TPCN1: variants seen among roughly 807,000 people sequenced by gnomAD.
The protein encoded by TPCN1 is two pore channel protein 1.
TPCN1 carries 52 observed loss-of-function variants against 108.8 expected under a neutral mutation model. That is an observed-to-expected ratio of 0.48 (90% CI 0.38 to 0.60). The LOEUF (loss-of-function observed/expected upper bound fraction) is 0.60. Ranked by LOEUF, TPCN1 falls within the 20% of genes least tolerant of loss-of-function variation. The pLI, the probability that TPCN1 is intolerant of heterozygous loss-of-function variation, is 0.00. For missense variants in TPCN1, 806 were observed against 1,072.8 expected (o/e 0.75, Z 3.47); for synonymous variants, 446 against 433.7 (o/e 1.03, Z -0.35).
At chr12:113,294,194 C>T (rs1956358013) in intron 27 of TPCN1, 1 of 152,298 alleles carries the variant, frequency 6.6e-6, no homozygotes, top group Non-Finnish European at 1.5e-5. Flanking sequence ...AAGTGATCCT[C>T]CCCACTCAGC....
chr12:113,253,667 A>G (rs1347165084), intron 2 of TPCN1, among the ~76,000 whole-genome samples: 1 of 152,198 alleles, frequency 6.6e-6, no homozygotes, highest in African/African-American at 2.4e-5. Flanking sequence ...AAGTGCCCCA[A>G]GAGAATAAGG....
intron 27 of TPCN1, 26 bp downstream of exon 27, chr12:113,293,375 G>T: frequency 9.3e-6 from 15 of 1,607,784 alleles, no homozygotes; most frequent in Non-Finnish European, 1.3e-5. Flanking sequence ...ACCACGCTGC[G>T]AATCCTCCCC....
chr12:113,265,741 TC>T (rs1955235264), intron 3 of TPCN1, among the ~76,000 whole-genome samples: 1 of 151,856 alleles, frequency 6.6e-6, no homozygotes, highest in Non-Finnish European at 1.5e-5. Context: ...CAAGCAATCC[TC>T]CTGCCTTGGC....
intron 3 of TPCN1, among the ~76,000 whole-genome samples, chr12:113,263,574 C>T (rs564497626): frequency 6.6e-6 from 1 of 152,366 alleles, no homozygotes; most frequent in East Asian, 1.9e-4. Context: ...GATGGCCTGC[C>T]TTTTCACGCT....
chr12:113,293,371 C>T (rs550947900), intron 27 of TPCN1, 22 bp downstream of exon 27: 6 of 1,609,714 alleles, frequency 3.7e-6, no homozygotes, highest in East Asian at 4.5e-5. Flanking sequence ...GCCGACCACG[C>T]TGCGAATCCT....
rs1593169084 is a variant in TPCN1 at position 113,272,844 on chromosome 12, C to T, written c.783+152C>T. 2.5e-6 allele frequency: 2 copies of T among 807,376 alleles called. No individual in the cohort carries two copies. Among genetic ancestry groups the T allele is most frequent in the African/African-American group, 1.7e-5 (1 of 58,620 alleles). 50.0% of individuals were successfully genotyped at this position (807,376 alleles called of 1,614,324 possible). A position where few individuals can be genotyped will look rare whatever the true frequency, so the allele number is the denominator to read the frequency against. ...TGTGTGCATTGCACCTGGGAGTTCC[C>T]ATCACTCAGACTTGACCACTTTCTT... On this transcript the variant is annotated intron_variant, in intron 8 of 27. Transcript: ENST00000335509. The surrounding 1 kb of genome is among the most constrained non-coding windows in gnomAD (Gnocchi z 4.1).
intron 2 of TPCN1, among the ~76,000 whole-genome samples, chr12:113,252,593 C>T (rs150164451): frequency 5.0e-4 from 76 of 152,314 alleles, no homozygotes; most frequent in East Asian, 4.4e-3. Flanking sequence ...CTGCCTGCTC[C>T]GCTCCATCAT....
intron 18 of TPCN1, 107 bp from the exon 19 acceptor site, chr12:113,286,880 T>C (rs1956101594): frequency 2.7e-6 from 2 of 747,708 alleles, no homozygotes; most frequent in East Asian, 5.0e-5. Context: ...TTGGTGTTGC[T>C]GTGTCTGGGC....
chr12:113,238,461 G>A (rs1953977523), intron 2 of TPCN1, among the ~76,000 whole-genome samples: 1 of 151,396 alleles, frequency 6.6e-6, no homozygotes, highest in South Asian at 2.1e-4. Flanking sequence ...TCCAGTAGCT[G>A]TATATTAGAG....
At chr12:113,278,365 G>A in intron 13 of TPCN1, 128 bp downstream of exon 13, 1 of 839,508 alleles carries the variant, frequency 1.2e-6, no homozygotes, top group South Asian at 1.4e-5. Flanking sequence ...GCTTGGCATG[G>A]TACACTTCAG....
In TPCN1 at chr12:113,296,252, T is replaced by G. The variant is rs1425286835; in HGVS notation, c.*176T>G. 9.5e-7 allele frequency: 1 copy of G among 1,047,898 alleles called. No individual in the cohort carries two copies. The highest frequency in any genetic ancestry group is 2.8e-5 in the Admixed American group (1 of 35,426). 64.9% of individuals were successfully genotyped at this position (1,047,898 alleles called of 1,614,324 possible). Reference sequence around the variant, plus strand: ...TATAACCACCTTGCCCTGTCTTCCTTAACTCCAGAAGCCAGTTTGGTGAGG... The same window carrying G: ...TATAACCACCTTGCCCTGTCTTCCTGAACTCCAGAAGCCAGTTTGGTGAGG... On this transcript the variant is annotated 3_prime_UTR_variant, in exon 28 of 28. Transcript: ENST00000335509.
Position 113,288,420 on chromosome 12 carries a change from C to G in TPCN1, c.1706+186C>G. 2 of 1,482,104 alleles carry G rather than the reference C, an allele frequency of 1.3e-6. No homozygotes were observed. Among genetic ancestry groups the G allele is most frequent in the Non-Finnish European group, 1.8e-6 (2 of 1,118,674 alleles). 91.8% of individuals were successfully genotyped at this position (1,482,104 alleles called of 1,614,324 possible). On this transcript the variant is annotated intron_variant, in intron 20 of 27. Transcript: ENST00000335509. The surrounding 1 kb of genome is among the most constrained non-coding windows in gnomAD (Gnocchi z 4.8). The stretch of plus-strand genomic sequence containing the variant: ...GTCTCCTGGGCACCATTTTTCTCCA[C>G]TGACCTGTCTGACATATTTAGTAGG...
Position 113,296,282 on chromosome 12 carries a change from GGGGT to G in TPCN1, c.*208_*211del. On this transcript the variant is annotated 3_prime_UTR_variant, in exon 28 of 28. Coordinates refer to ENST00000335509, the MANE Select transcript of TPCN1 (RefSeq NM_017901.6). ...CCAGAAGCCAGTTTGGTGAGGGGTG[GGGGT>G]GCGGCCACCAGGTCTGAGCTCTTCC... 1.4e-6 allele frequency: 1 copy of G among 735,836 alleles called. No individual in the cohort carries two copies. Among genetic ancestry groups the G allele is most frequent in the Non-Finnish European group, 2.1e-6 (1 of 475,406 alleles). The allele number at this position is 735,836 out of a possible 1,614,324, so 45.6% of individuals were successfully genotyped here.
intron 2 of TPCN1, among the ~76,000 whole-genome samples, chr12:113,230,747 T>C (rs1027693672): frequency 7.2e-5 from 11 of 152,196 alleles, no homozygotes; most frequent in African/African-American, 2.7e-4. Context: ...TGAGCCACCA[T>C]GCCTGGCCCA....
At chr12:113,293,545 C>T (rs1385844396) in intron 27 of TPCN1, among the ~76,000 whole-genome samples, 196 bp downstream of exon 27, 3 of 152,198 alleles carry the variant, frequency 2.0e-5, no homozygotes, top group African/African-American at 4.8e-5. Flanking sequence ...TCGTGCCCAG[C>T]AGAGGCAGCT....
intron 25 of TPCN1, chr12:113,292,238 C>T (rs1415046163): frequency 9.3e-6 from 4 of 430,766 alleles, no homozygotes; most frequent in Non-Finnish European, 1.7e-5. Context: ...GCAGCAGCCC[C>T]TGCCCTGCCT....
intron 25 of TPCN1, 68 bp downstream of exon 25, chr12:113,292,026 G>A: frequency 7.1e-7 from 1 of 1,407,776 alleles, no homozygotes; most frequent in Admixed American, 1.7e-5. Context: ...TGTCTGTCTG[G>A]GTGGCTGTCC....
At chr12:113,252,419 C>T (rs1177470296) in intron 2 of TPCN1, among the ~76,000 whole-genome samples, 10 of 152,242 alleles carry the variant, frequency 6.6e-5, no homozygotes, top group African/African-American at 2.2e-4. Context: ...GCCTCCTGAG[C>T]ACAAGGAGGA....
In TPCN1 at chr12:113,241,758, C is replaced by CTG. The variant is rs1276832505; in HGVS notation, c.112+14795_112+14796dup. On this transcript the variant is annotated intron_variant, in intron 2 of 27. Transcript: ENST00000335509. The stretch of plus-strand genomic sequence containing the variant: ...GGTAAACAGTGGCGTTTGCGTGCCT[C>CTG]TGCGTGTGTGTGTGTGTGTGTGTGT... Among the ~76,000 whole-genome samples the CTG allele has an allele frequency of 6.8e-4, 81 of 119,722 alleles. 1 individual carries two copies. Among genetic ancestry groups the CTG allele is most frequent in the African/African-American group, 2.6e-3 (73 of 27,956 alleles). The allele number at this position is 119,722 out of a possible 152,430, so 78.5% of individuals were successfully genotyped here.
Sources: allele counts gnomAD v4.1 joint callset (sites outside exome capture counted in the v4.1 genomes callset), GRCh38; gene constraint gnomAD v4.1.1; non-coding constraint Gnocchi (gnomAD v3.1); transcripts MANE v1.5; gene names NCBI Gene and HGNC (gene_info 2026-07-23, HGNC 2026-07-21).